The following DNAH3 variants were observed in gnomAD, a reference collection of about 807,000 sequenced individuals.
DNAH3 encodes the protein axonemal beta dynein heavy chain 3.
Under a neutral mutation model 432.5 loss-of-function variants are expected in DNAH3, and 332 were observed. The observed-to-expected ratio is 0.77, with a 90% CI of 0.70 to 0.84. The LOEUF (loss-of-function observed/expected upper bound fraction) is 0.84, where lower values mean the gene tolerates loss of function less well. Among genes scored for constraint, DNAH3 ranks in the 40% least tolerant of loss-of-function variants. DNAH3 has a pLI of 0.00. For synonymous variants in DNAH3, 1,956 were observed against 1,900.2 expected (o/e 1.03, Z -0.76); for missense variants, 4,861 against 5,114.0 (o/e 0.95, Z 1.51).
At chr16:21,011,125 A>G (rs1484104271) in intron 41 of DNAH3, among the ~76,000 whole-genome samples, 1 of 152,042 alleles carries the variant, frequency 6.6e-6, no homozygotes. Context: ...ACATCACATC[A>G]TTGACTCTCT....
chr16:20,986,561 A>G lies in DNAH3; in HGVS notation c.7026+744T>C, dbSNP rs140981538. On this transcript the variant is annotated intron_variant, in intron 47 of 61. Coordinates refer to ENST00000261383, the Ensembl canonical transcript of DNAH3. The stretch of plus-strand genomic sequence containing the variant: ...AAGGACATTAGAGTATGAACGCTTT[A>G]ATCAGTCTATTTGCCATGTGATTAA... Among the ~76,000 whole-genome samples the G allele has an allele frequency of 4.8e-3, 726 of 152,244 alleles. 5 individuals carry two copies. The highest frequency in any genetic ancestry group is 5.8e-3 in the Non-Finnish European group (395 of 68,030).
chr16:21,133,001 T>G (rs1320023104), intron 7 of DNAH3, among the ~76,000 whole-genome samples: 1 of 151,670 alleles, frequency 6.6e-6, no homozygotes, highest in African/African-American at 2.4e-5. Context: ...TAATTATTGA[T>G]AAATATACCT....
chr16:21,052,243 C>T (rs914905926), intron 28 of DNAH3, among the ~76,000 whole-genome samples: 2 of 152,138 alleles, frequency 1.3e-5, no homozygotes, highest in African/African-American at 2.4e-5. Context: ...CCGCCTGCCT[C>T]GGCCTCCCAA....
chr16:21,112,864 G>A (rs1277119894), intron 12 of DNAH3, among the ~76,000 whole-genome samples: 1 of 152,160 alleles, frequency 6.6e-6, no homozygotes, highest in Non-Finnish European at 1.5e-5. Context: ...TGTCCCACTG[G>A]ATTTTGGACT....
chr16:21,048,170 C>T (rs966056084), intron 31 of DNAH3, among the ~76,000 whole-genome samples: 7 of 152,276 alleles, frequency 4.6e-5, no homozygotes, highest in African/African-American at 1.4e-4. Context: ...CCTGCAGAGG[C>T]AGGCAGGCCT....
chr16:20,968,739 A>G (rs544085425), intron 52 of DNAH3, among the ~76,000 whole-genome samples: 17 of 148,960 alleles, frequency 1.1e-4, no homozygotes, highest in Non-Finnish European at 2.1e-4. Flanking sequence ...TCTCCTGCCC[A>G]TGTCTCTCTC....
At chr16:20,955,428 G>T (rs377528754) in intron 54 of DNAH3, among the ~76,000 whole-genome samples, 1 of 151,640 alleles carries the variant, frequency 6.6e-6, no homozygotes, top group Admixed American at 6.6e-5. Flanking sequence ...GAACCAAGAT[G>T]TGAACTCAGG....
intron 1 of DNAH3, among the ~76,000 whole-genome samples, chr16:21,147,757 G>C (rs1238194449): frequency 6.6e-6 from 1 of 152,170 alleles, no homozygotes; most frequent in Non-Finnish European, 1.5e-5. Context: ...GATTCCAAGT[G>C]ACCCTCCACC....
At chr16:20,987,515 T>C (rs908874332) in intron 46 of DNAH3, 67 bp from the exon 47 acceptor site, 3 of 1,593,464 alleles carry the variant, frequency 1.9e-6, no homozygotes, top group South Asian at 1.1e-5. Context: ...TTCTCAGTAG[T>C]AGGTAAGTCC....
chr16:20,975,461 T>C (rs767246922), intron 50 of DNAH3, 46 bp from the exon 51 acceptor site: 23 of 1,568,166 alleles, frequency 1.5e-5, no homozygotes. Flanking sequence ...GCACTGAAAA[T>C]GGCAAAGTAG....
At chr16:21,119,071 G>A (rs1018683024) in intron 11 of DNAH3, among the ~76,000 whole-genome samples, 5 of 152,182 alleles carry the variant, frequency 3.3e-5, no homozygotes, top group Non-Finnish European at 7.3e-5. Flanking sequence ...CAGTGGAGGA[G>A]CAACTTCTTT....
At chr16:21,125,484 A>G (rs1287887307) in intron 8 of DNAH3, 114 bp from the exon 10 acceptor site, 1 of 757,282 alleles carries the variant, frequency 1.3e-6, no homozygotes, top group East Asian at 3.0e-5. Context: ...CCCACCAAGC[A>G]GCCTTGCAAA....
At chr16:21,083,391 C>T (rs984159233) in intron 19 of DNAH3, among the ~76,000 whole-genome samples, 3 of 152,146 alleles carry the variant, frequency 2.0e-5, no homozygotes, top group Non-Finnish European at 2.9e-5. Context: ...GTTGAAATAA[C>T]GGTCTTGGAA....
At chr16:20,988,154 G>A in intron 44 of DNAH3, 89 bp from the exon 45 acceptor site, 7 of 1,538,338 alleles carry the variant, frequency 4.6e-6, no homozygotes, top group Non-Finnish European at 5.3e-6. Context: ...AGGTGGCTTT[G>A]CCTTCTGCCT....
intron 35 of DNAH3, among the ~76,000 whole-genome samples, chr16:21,035,244 T>C (rs781750806): frequency 6.6e-6 from 1 of 152,146 alleles, no homozygotes; most frequent in Non-Finnish European, 1.5e-5. Flanking sequence ...GCAGAATCGC[T>C]TGAGCCTGGG....
chr16:21,101,048 CCCTATAAA>C (rs2091825370), intron 16 of DNAH3, among the ~76,000 whole-genome samples: 1 of 152,158 alleles, frequency 6.6e-6, no homozygotes, highest in Non-Finnish European at 1.5e-5. Context: ...GGGGTTACAT[CCCTATAAA>C]CCTATTGCAA....
At chr16:20,953,276 A>G (rs1386603931) in intron 55 of DNAH3, among the ~76,000 whole-genome samples, 1 of 151,452 alleles carries the variant, frequency 6.6e-6, no homozygotes, top group African/African-American at 2.4e-5. Flanking sequence ...CTCCTGTCTC[A>G]GCCTCCTGAG....
intron 18 of DNAH3, among the ~76,000 whole-genome samples, 164 bp downstream of exon 18, chr16:21,097,191 A>T (rs1477535555): frequency 6.6e-6 from 1 of 152,082 alleles, no homozygotes; most frequent in African/African-American, 2.4e-5. Flanking sequence ...TTCCATTTTT[A>T]TTATCACATC....
At chr16:21,136,945 C>A (rs2092651375) in intron 5 of DNAH3, among the ~76,000 whole-genome samples, 1 of 151,914 alleles carries the variant, frequency 6.6e-6, no homozygotes, top group Non-Finnish European at 1.5e-5. Context: ...CCAGCCTGGC[C>A]AATATGGTGA....
Sources: allele counts gnomAD v4.1 joint callset (sites outside exome capture counted in the v4.1 genomes callset), GRCh38; gene constraint gnomAD v4.1.1; transcripts MANE v1.5; gene names NCBI Gene and HGNC (gene_info 2026-07-23, HGNC 2026-07-21).